NALCN: variants seen among roughly 807,000 people sequenced by gnomAD.
The protein encoded by NALCN is sodium leak channel NALCN.
In NALCN, 111 loss-of-function variants were observed where a neutral mutation model predicts 225.3. That is an observed-to-expected ratio of 0.49 (90% CI 0.42 to 0.58). The LOEUF is 0.58. Ranked by LOEUF, NALCN falls within the 20% of genes least tolerant of loss-of-function variation. The probability of loss-of-function intolerance (pLI) is 0.00; values close to 1 mark genes in which losing one functional copy is unlikely to be tolerated. For missense variants in NALCN, 1,378 were observed against 2,202.4 expected, an observed-to-expected ratio of 0.63 and a Z score of 7.49; for synonymous variants, 764 against 769.0, an observed-to-expected ratio of 0.99 and a Z score of 0.11.
intron 9 of NALCN, among the ~76,000 whole-genome samples, chr13:101,286,074 T>G (rs536833366): frequency 6.6e-6 from 1 of 152,140 alleles, no homozygotes; most frequent in Non-Finnish European, 1.5e-5. Context: ...GTAAAGGAAA[T>G]GCAAAAACGT....
chr13:101,117,196 G>A (rs1256293947), intron 18 of NALCN, among the ~76,000 whole-genome samples: 1 of 152,166 alleles, frequency 6.6e-6, no homozygotes, highest in South Asian at 2.1e-4. Flanking sequence ...GAACTTCATT[G>A]TAGGCAGAAA....
chr13:101,087,449 C>G (rs1375204348), intron 30 of NALCN, among the ~76,000 whole-genome samples: 1 of 149,712 alleles, frequency 6.7e-6, no homozygotes, highest in African/African-American at 2.5e-5. Flanking sequence ...TGTATAAATG[C>G]TGTTAGATGG....
chr13:101,062,998 T>C (rs148752083), intron 40 of NALCN, among the ~76,000 whole-genome samples: 1 of 152,316 alleles, frequency 6.6e-6, no homozygotes, highest in African/African-American at 2.4e-5. Context: ...CAGTTGTAGG[T>C]AAAGCCAACA....
chr13:101,246,889 TAG>T lies in NALCN; in HGVS notation c.1267-8969_1267-8968del, dbSNP rs200852004. 7.3e-3 allele frequency among the ~76,000 whole-genome samples: 1,114 copies of T among 152,238 alleles called. 8 individuals carry two copies. The highest frequency in any genetic ancestry group is 0.037 in the Middle Eastern group (11 of 294). On this transcript the variant is annotated intron_variant, in intron 11 of 43. Transcript: ENST00000251127. ...CAGAGGAATGCAGAAATCACTTTTC[TAG>T]AAAAGAGGACTCCCTGCAAGACGGC...
At chr13:101,200,155 T>C (rs1285255319) in intron 13 of NALCN, among the ~76,000 whole-genome samples, 1 of 152,180 alleles carries the variant, frequency 6.6e-6, no homozygotes, top group Non-Finnish European at 1.5e-5. Context: ...GGACAGATGT[T>C]AGATAACAGG....
At chr13:101,387,251 A>AC (rs2047022892) in intron 3 of NALCN, among the ~76,000 whole-genome samples, 1 of 147,422 alleles carries the variant, frequency 6.8e-6, no homozygotes, top group Non-Finnish European at 1.5e-5. Context: ...AAAAAAAAAA[A>AC]AAACAGGTTA....
chr13:101,277,646 G>T (rs199502784), intron 10 of NALCN, among the ~76,000 whole-genome samples: 2 of 151,952 alleles, frequency 1.3e-5, no homozygotes, highest in African/African-American at 4.8e-5. Context: ...AAAATGCCTT[G>T]TATTTATTCT....
chr13:101,168,039 A>G (rs577190612), intron 15 of NALCN, among the ~76,000 whole-genome samples: 1 of 151,340 alleles, frequency 6.6e-6, no homozygotes, highest in South Asian at 2.1e-4. Flanking sequence ...TATTTTTTTG[A>G]CCTCTCTGAA....
chr13:101,185,144 A>G (rs1208277765), intron 14 of NALCN, among the ~76,000 whole-genome samples: 4 of 152,158 alleles, frequency 2.6e-5, no homozygotes, highest in Non-Finnish European at 2.9e-5. Flanking sequence ...CACTTTTTAT[A>G]TGGGTCAACA....
At chr13:101,402,674 T>A (rs1189563760) in intron 1 of NALCN, among the ~76,000 whole-genome samples, 2 of 152,152 alleles carry the variant, frequency 1.3e-5, no homozygotes, top group Non-Finnish European at 2.9e-5. Flanking sequence ...TCACCTGTTG[T>A]TACAGTTTCC....
chr13:101,302,849 C>T lies in NALCN; in HGVS notation c.800-10483G>A, dbSNP rs546020751. 4.1e-5 allele frequency among the ~76,000 whole-genome samples: 6 copies of T among 146,112 alleles called. No homozygotes were observed. In the East Asian group the frequency reaches 1.2e-3, roughly 29 times the overall value. On this transcript the variant is annotated intron_variant, in intron 7 of 43. Transcript: ENST00000251127. ...ACATTCTTCAGTAAGCTTCCAAAGC[C>T]TGAAAACATGTTTAAAATTGAAATT...
chr13:101,352,490 G>A (rs1467937436), intron 6 of NALCN, among the ~76,000 whole-genome samples: 1 of 152,154 alleles, frequency 6.6e-6, no homozygotes, highest in Non-Finnish European at 1.5e-5. Context: ...GAAAGAGAGA[G>A]ACCTTTTCAC....
At position 101,191,907 on chromosome 13, in the gene NALCN, CT is replaced by C. The variant is rs2039697647; in HGVS notation, c.1764+9del. ...CCAAGATATAATTGAAAAAAAAATG[CT>C]GAACTCACCAGAGTGGCAAAAAGAT... On this transcript the variant is annotated intron_variant, in intron 14 of 43. Coordinates refer to ENST00000251127, the MANE Select transcript of NALCN (RefSeq NM_052867.4). 2 of 1,596,974 alleles carry C rather than the reference CT, an allele frequency of 1.3e-6. No homozygotes were observed.
intron 7 of NALCN, among the ~76,000 whole-genome samples, chr13:101,331,738 G>C (rs9585673): frequency 0.13 from 19,662 of 152,074 alleles, 2,228 homozygotes; most frequent in African/African-American, 0.31. Context: ...ATGAACTTTG[G>C]AGACCTCTTC....
At chr13:101,401,351 T>C (rs2047473627) in intron 1 of NALCN, among the ~76,000 whole-genome samples, 1 of 152,152 alleles carries the variant, frequency 6.6e-6, no homozygotes, top group Non-Finnish European at 1.5e-5. Flanking sequence ...CAATTTGAGA[T>C]GCCTCTTCAA....
At chr13:101,177,297 T>C (rs946785038) in intron 14 of NALCN, among the ~76,000 whole-genome samples, 1 of 151,982 alleles carries the variant, frequency 6.6e-6, no homozygotes, top group Non-Finnish European at 1.5e-5. Flanking sequence ...ATAATAAACA[T>C]CTATTTCCTG....
At chr13:101,129,719 T>C (rs77523035) in intron 17 of NALCN, among the ~76,000 whole-genome samples, 5 of 119,334 alleles carry the variant, frequency 4.2e-5, no homozygotes, top group Non-Finnish European at 8.2e-5. Context: ...CCCAGGATTT[T>C]TTTTTTTTTT....
At chr13:101,335,628 T>G (rs1170725408) in intron 7 of NALCN, among the ~76,000 whole-genome samples, 1 of 152,048 alleles carries the variant, frequency 6.6e-6, no homozygotes, top group Non-Finnish European at 1.5e-5. Context: ...CTTCCATATG[T>G]GTTTTCATAA....
chr13:101,246,427 C>T (rs2041899917), intron 11 of NALCN, among the ~76,000 whole-genome samples: 1 of 152,160 alleles, frequency 6.6e-6, no homozygotes, highest in Non-Finnish European at 1.5e-5. Flanking sequence ...ATCCCATTCT[C>T]TTACATGAAA....
Sources: gnomAD v4.1 joint callset for allele counts (sites outside exome capture counted in the v4.1 genomes callset) on GRCh38, gnomAD v4.1.1 for gene constraint, MANE v1.5 for transcripts, NCBI Gene and HGNC (gene_info 2026-07-23, HGNC 2026-07-21) for gene names.